Variants in KIAA0232 observed in about 807,000 individuals in gnomAD.
The protein encoded by KIAA0232 is uncharacterized protein KIAA0232.
Under a neutral mutation model 122.0 loss-of-function variants are expected in KIAA0232, and 27 were observed. That is an observed-to-expected ratio of 0.22 (90% CI 0.16 to 0.31). The LOEUF (loss-of-function observed/expected upper bound fraction) is 0.31. KIAA0232 is among the 10% of genes least tolerant of loss of function. KIAA0232 has a pLI of 1.00. For missense variants in KIAA0232, 1,551 were observed against 1,634.2 expected (o/e 0.95, Z 0.88); for synonymous variants, 613 against 587.6 (o/e 1.04, Z -0.63).
At chr4:6,872,711 G>A (rs559921654) in intron 8 of KIAA0232, among the ~76,000 whole-genome samples, 6 of 152,270 alleles carry the variant, frequency 3.9e-5, no homozygotes, top group East Asian at 1.9e-4. Context: ...TTAAATTTAC[G>A]GGTTCACGTG....
At chr4:6,796,019 G>A (rs201174127) in intron 1 of KIAA0232, among the ~76,000 whole-genome samples, 1 of 152,200 alleles carries the variant, frequency 6.6e-6, no homozygotes, top group Non-Finnish European at 1.5e-5. Context: ...AGCAGCCAGC[G>A]GAGGAGCCAG....
At chr4:6,871,294 C>T (rs1277127561) in intron 7 of KIAA0232, among the ~76,000 whole-genome samples, 1 of 151,996 alleles carries the variant, frequency 6.6e-6, no homozygotes, top group African/African-American at 2.4e-5. Context: ...ATGAGCCAGA[C>T]ATGGTGGTTC....
chr4:6,811,119 C>T (rs994531696), intron 2 of KIAA0232, among the ~76,000 whole-genome samples: 2 of 151,986 alleles, frequency 1.3e-5, no homozygotes, highest in African/African-American at 2.4e-5. Context: ...TGGGTAGATA[C>T]TCAAAGGAAA....
intron 1 of KIAA0232, among the ~76,000 whole-genome samples, chr4:6,801,591 G>C: frequency 6.6e-6 from 1 of 152,064 alleles, no homozygotes; most frequent in Non-Finnish European, 1.5e-5. Context: ...GGCTGAGGTG[G>C]GAGGATTGCT....
rs529261808 is a variant in KIAA0232 at position 6,799,442 on chromosome 4, A to G, written c.-353-5081A>G. Among the ~76,000 whole-genome samples the G allele has an allele frequency of 1.1e-3, 174 of 151,798 alleles. 1 individual carries two copies. Among genetic ancestry groups the G allele is most frequent in the Middle Eastern group, 0.01 (3 of 292 alleles). The stretch of plus-strand genomic sequence containing the variant: ...GCAGGTGTTAAAGTTGGGGGTAAAC[A>G]ATTTCTGAAAAATTGTGACTCATTT... On this transcript the variant is annotated intron_variant, in intron 1 of 9. Coordinates refer to ENST00000307659, the MANE Select transcript of KIAA0232 (RefSeq NM_014743.3).
At chr4:6,811,257 C>A (rs1717862685) in intron 2 of KIAA0232, among the ~76,000 whole-genome samples, 1 of 152,040 alleles carries the variant, frequency 6.6e-6, no homozygotes, top group South Asian at 2.1e-4. Context: ...TCTATACACA[C>A]AATAGAATGC....
In KIAA0232 at chr4:6,864,157, C is replaced by T; in HGVS notation, c.3775C>T (p.Pro1259Ser). 6.2e-7 allele frequency: 1 copy of T among 1,612,870 alleles called. No homozygotes were observed. Among genetic ancestry groups the T allele is most frequent in the South Asian group, 1.1e-5 (1 of 90,938 alleles). Residue 1259 changes from proline (P) to serine (S), a missense_variant, in exon 7 of 10, where the codon CCA (proline) becomes TCA (serine). Pro to Ser is a moderately conservative substitution (Grantham distance 74). This residue lies in a region of KIAA0232 where 1,108 missense variants were observed against 1,154.8 expected (regional missense o/e 0.96). Coordinates refer to ENST00000307659, the MANE Select transcript of KIAA0232 (RefSeq NM_014743.3). Reference sequence around the variant, plus strand: ...TCAGTTTCCTGCTTATGAAGATAATCCAGTTTCTTCGGGACAGCTGGAAGA... The same window carrying T: ...TCAGTTTCCTGCTTATGAAGATAATTCAGTTTCTTCGGGACAGCTGGAAGA... ...GCQFPAYEDN[P>S]VSSGQLEEFP...
At chr4:6,849,248 T>C (rs1477891573) in intron 4 of KIAA0232, among the ~76,000 whole-genome samples, 1 of 152,178 alleles carries the variant, frequency 6.6e-6, no homozygotes, top group Non-Finnish European at 1.5e-5. Context: ...AAGATGGAAC[T>C]GTCAGGATTA....
chr4:6,783,126 G>A (rs2108835086), intron 1 of KIAA0232, among the ~76,000 whole-genome samples: 1 of 151,378 alleles, frequency 6.6e-6, no homozygotes, highest in African/African-American at 2.4e-5. Context: ...AGGGAGGCCG[G>A]GCCGCCGCTG....
chr4:6,867,044 A>G (rs1238667749), intron 7 of KIAA0232, among the ~76,000 whole-genome samples: 2 of 152,218 alleles, frequency 1.3e-5, no homozygotes, highest in Non-Finnish European at 2.9e-5. Flanking sequence ...AAATGTTCAC[A>G]TGTATTTCTT....
At chr4:6,821,704 G>GTGTA (rs1491323905) in intron 2 of KIAA0232, among the ~76,000 whole-genome samples, 4 of 95,268 alleles carry the variant, frequency 4.2e-5, no homozygotes, top group African/African-American at 1.5e-4. Flanking sequence ...GTGTGTGTGT[G>GTGTA]TATATATATA....
At chr4:6,806,578 C>T (rs1347433110) in intron 2 of KIAA0232, among the ~76,000 whole-genome samples, 1 of 151,394 alleles carries the variant, frequency 6.6e-6, no homozygotes, top group African/African-American at 2.4e-5. Context: ...ATTAAAAATA[C>T]AAAAAATTAG....
intron 2 of KIAA0232, among the ~76,000 whole-genome samples, chr4:6,805,136 C>A (rs886206159): frequency 5.9e-5 from 9 of 152,140 alleles, no homozygotes; most frequent in Admixed American, 1.3e-4. Context: ...AGCAAGTTAT[C>A]CTTTAAATGA....
chr4:6,856,989 A>G (rs943188034), intron 4 of KIAA0232, among the ~76,000 whole-genome samples, 175 bp from the exon 5 acceptor site: 5 of 152,196 alleles, frequency 3.3e-5, no homozygotes, highest in South Asian at 2.1e-4. Context: ...ATGTATACCA[A>G]TTTGTATCTA....
intron 1 of KIAA0232, among the ~76,000 whole-genome samples, chr4:6,786,619 T>C (rs897470241): frequency 6.6e-6 from 1 of 152,262 alleles, no homozygotes; most frequent in East Asian, 1.9e-4. Context: ...AGATGAAGTA[T>C]TTTTAATAAA....
chr4:6,817,177 C>T (rs1718172072), intron 2 of KIAA0232, among the ~76,000 whole-genome samples: 1 of 152,182 alleles, frequency 6.6e-6, no homozygotes, highest in Non-Finnish European at 1.5e-5. Flanking sequence ...CAGTGCTCTA[C>T]ATTTCTTTCT....
rs77815828 is a variant in KIAA0232, at chr4:6,854,946, T to A, written c.370-2218T>A. Among the ~76,000 whole-genome samples, 3 of 152,318 alleles carry A rather than the reference T, an allele frequency of 2.0e-5. No homozygotes were observed. The East Asian group carries it at 5.8e-4, about 29-fold the overall frequency. ...TGGGAAAGTGAATAAAAATTTCTCA[T>A]TAAAACTGTAAATTAACACTTTGGA... On this transcript the variant is annotated intron_variant, in intron 4 of 9. Transcript: ENST00000307659.
intron 4 of KIAA0232, among the ~76,000 whole-genome samples, chr4:6,851,773 T>C (rs6858512): frequency 0.02 from 2,923 of 146,138 alleles, 88 homozygotes; most frequent in African/African-American, 0.065. Flanking sequence ...ATCAGTAAGG[T>C]GCTATAATGA....
At chr4:6,844,661 C>T (rs915288206) in intron 4 of KIAA0232, among the ~76,000 whole-genome samples, 1 of 152,138 alleles carries the variant, frequency 6.6e-6, no homozygotes, top group African/African-American at 2.4e-5. Flanking sequence ...GTCTCAAACT[C>T]CTGACCTCAG....
Sources: gnomAD v4.1 joint callset for allele counts (sites outside exome capture counted in the v4.1 genomes callset) on GRCh38, gnomAD v4.1.1 for gene constraint, gnomAD v4.1.1 regional missense constraint, MANE v1.5 for transcripts, NCBI Gene and HGNC (gene_info 2026-07-23, HGNC 2026-07-21) for gene names.